The following ZNF568 variants were observed in gnomAD, a reference collection of about 807,000 sequenced individuals.
ZNF568 encodes zinc finger protein 568.
Under a neutral mutation model 18.1 loss-of-function variants are expected in ZNF568, and 11 were observed. The observed-to-expected ratio is 0.61, with a 90% confidence interval of 0.38 to 1.00. The LOEUF (loss-of-function observed/expected upper bound fraction) is 1.00. ZNF568 is among the 50% of genes least tolerant of loss of function. The pLI is 0.01. For missense variants in ZNF568, 639 were observed against 768.2 expected (o/e 0.83, Z 1.99); for synonymous variants, 213 against 246.6 (o/e 0.86, Z 1.28).
chr19:36,949,698 A>ATATC lies in ZNF568; in HGVS notation c.547_548insTCTA (p.Lys183IlefsTer2). 6.2e-7 allele frequency: 1 copy of ATATC among 1,613,900 alleles called. No individual in the cohort carries two copies. The highest frequency in any genetic ancestry group is 8.5e-7 in the Non-Finnish European group (1 of 1,179,860). ...AGCTTCTATGACTGTGACTCACTTG[A>ATATC]TAAGGGTTTGGAACATAATTTAGAC... is the stretch of plus-strand genomic sequence containing the variant. On this transcript the variant is annotated frameshift_variant, in exon 7 of 7. Coordinates refer to ENST00000333987, the MANE Select transcript of ZNF568 (RefSeq NM_198539.4). LOFTEE classifies it low-confidence loss of function (END_TRUNC).
chr19:36,995,586 A>G (rs973384008), intron 4 of ZNF568, among the ~76,000 whole-genome samples: 6 of 151,932 alleles, frequency 3.9e-5, no homozygotes, highest in Admixed American at 6.6e-5. Context: ...TTTGTTTTCT[A>G]TTTGTGTTGT....
intron 6 of ZNF568, among the ~76,000 whole-genome samples, chr19:36,947,342 A>G (rs981627151): frequency 1.4e-4 from 22 of 152,108 alleles, no homozygotes; most frequent in Admixed American, 1.2e-3. Flanking sequence ...GTGGGGCCCC[A>G]AATGCCAGCA....
chr19:36,917,919 T>A (rs1048358141), intron 2 of ZNF568, among the ~76,000 whole-genome samples: 3 of 152,154 alleles, frequency 2.0e-5, no homozygotes, highest in African/African-American at 4.8e-5. Flanking sequence ...TCTCATATAT[T>A]ATTTTCTTCT....
chr19:36,935,302 C>G (rs577905376), intron 4 of ZNF568, among the ~76,000 whole-genome samples: 2 of 152,242 alleles, frequency 1.3e-5, no homozygotes, highest in East Asian at 3.9e-4. Flanking sequence ...GGGCTCACGT[C>G]TGTAATCCCA....
Position 36,949,539 on chromosome 19 carries a change from A to C in ZNF568, c.386A>C (p.Lys129Thr), listed in dbSNP as rs776581106. 4.4e-6 allele frequency: 7 copies of C among 1,596,500 alleles called. No homozygotes were observed. Among genetic ancestry groups the C allele is most frequent in the Non-Finnish European group, 6.0e-6 (7 of 1,173,390 alleles). The change falls in exon 7 of 7, where the codon AAG (lysine) becomes ACG (threonine). Residue 129 changes from lysine to threonine, a missense_variant. Transcript: ENST00000333987. ...PEVWEVDEQI[K>T]KQQETLVRKV... is the part of the protein sequence containing the mutation. ...GTTTGGGAAGTTGATGAACAGATCA[A>C]GAAGCAACAGGAAACACTTGTGAGG...
intron 2 of ZNF568, among the ~76,000 whole-genome samples, chr19:36,986,753 T>A (rs1056062735): frequency 1.3e-5 from 2 of 152,162 alleles, no homozygotes; most frequent in Non-Finnish European, 2.9e-5. Flanking sequence ...AAGAGAATTT[T>A]GTTGACACAG....
intron 6 of ZNF568, among the ~76,000 whole-genome samples, chr19:36,941,294 A>G (rs944270369): frequency 6.6e-6 from 1 of 152,198 alleles, no homozygotes; most frequent in Non-Finnish European, 1.5e-5. Flanking sequence ...ATGGTATGAA[A>G]GAAAAAAGTC....
Position 36,924,360 on chromosome 19 carries a change from A to G in ZNF568, c.77-840A>G, listed in dbSNP as rs549000219. On this transcript the variant is annotated intron_variant, in intron 3 of 6. Coordinates refer to ENST00000333987, the MANE Select transcript of ZNF568 (RefSeq NM_198539.4). ...CAGCCTCCCAAGTAGCTGGGACTACAGGCGCACGCCACTACGCCCAGCGAA... is the reference window on the plus strand; with the variant it reads ...CAGCCTCCCAAGTAGCTGGGACTACGGGCGCACGCCACTACGCCCAGCGAA... Among the ~76,000 whole-genome samples, 250 of 151,842 alleles carry G rather than the reference A, an allele frequency of 1.6e-3. 2 individuals are homozygous for G. The highest frequency in any genetic ancestry group is 4.4e-3 in the South Asian group (21 of 4,800).
At chr19:36,957,142 G>A (rs2074113144), downstream of ZNF568, among the ~76,000 whole-genome samples, 1 of 149,826 alleles carries the variant, frequency 6.7e-6, no homozygotes, top group South Asian at 2.1e-4. Flanking sequence ...TCTTACTCAT[G>A]AGCAAATGAG....
chr19:36,940,165 C>T (rs1205418730), intron 6 of ZNF568, among the ~76,000 whole-genome samples: 6 of 152,172 alleles, frequency 3.9e-5, no homozygotes, highest in Non-Finnish European at 5.9e-5. Context: ...TATCTGTGTT[C>T]ATGCTATTAA....
chr19:36,997,881 G>A, downstream of ZNF568: 1 of 352,584 alleles, frequency 2.8e-6, no homozygotes, highest in South Asian at 3.6e-5. Context: ...TACAACTGGT[G>A]AAAAATTGAA....
chr19:36,939,528 C>CTTTCTTT (rs2073843625), intron 6 of ZNF568, among the ~76,000 whole-genome samples: 1 of 114,472 alleles, frequency 8.7e-6, no homozygotes, highest in African/African-American at 3.5e-5. Flanking sequence ...GATGTATTTT[C>CTTTCTTT]TTTCTTTTTT....
At chr19:36,997,211 A>G (rs770844311) in exon 5 of ZNF568, 10 of 1,608,622 alleles carry the variant, frequency 6.2e-6, no homozygotes, top group African/African-American at 1.3e-5. Flanking sequence ...GAGAAACCCC[A>G]TGAATGTAAG....
Position 36,949,594 on chromosome 19 carries a change from G to C in ZNF568, c.441G>C (p.Leu147=), listed in dbSNP as rs1347106640. 2 of 1,613,212 alleles carry C rather than the reference G, an allele frequency of 1.2e-6. No homozygotes were observed. Among genetic ancestry groups the C allele is most frequent in the African/African-American group, 2.7e-5 (2 of 74,880 alleles). Residue 147 remains leucine (L), a synonymous_variant, in exon 7 of 7, where the codon CTG becomes CTC. Coordinates refer to ENST00000333987, the MANE Select transcript of ZNF568 (RefSeq NM_198539.4). The stretch of plus-strand genomic sequence containing the variant: ...TCACATCCATCTCCAAGAAAATTCT[G>C]ATAAAGGAAAAAGTCATTGAATGTA... ...RKVTSISKKI[L]IKEKVIECKK...
rs759614987 is a variant in ZNF568 at position 36,950,361 on chromosome 19, C to T, written c.1208C>T (p.Ser403Leu). The T allele has an allele frequency of 6.2e-7, 1 of 1,613,794 alleles. No individual in the cohort carries two copies. The highest frequency in any genetic ancestry group is 1.1e-5 in the South Asian group (1 of 91,066). ...TGTGGAAAAGCTTTCTCTCAATGCT[C>T]AGTATTTATTATACATATGAGAAGT... The part of the protein sequence containing the change: ...NKCGKAFSQC[S>L]VFIIHMRSHT... The change falls in exon 7 of 7, where the codon TCA (serine) becomes TTA (leucine). Residue 403 changes from serine (S) to leucine (L), a missense_variant. Physicochemically the swap from Ser to Leu is moderately radical, Grantham distance 145 (BLOSUM62 -2). Coordinates refer to ENST00000333987, the MANE Select transcript of ZNF568 (RefSeq NM_198539.4).
chr19:36,939,532 CT>C (rs386388962), intron 6 of ZNF568, among the ~76,000 whole-genome samples: 74 of 93,060 alleles, frequency 8.0e-4, no homozygotes, highest in East Asian at 6.0e-3. Context: ...TATTTTCTTT[CT>C]TTTTTTTTTT....
At chr19:36,987,295 C>G (rs1416734959) in intron 2 of ZNF568, among the ~76,000 whole-genome samples, 1 of 152,114 alleles carries the variant, frequency 6.6e-6, no homozygotes, top group African/African-American at 2.4e-5. Flanking sequence ...CATTGTGTAT[C>G]TGGGTAATTG....
At position 36,916,851 on chromosome 19, in the gene ZNF568, T is replaced by G. The variant is rs1419969729; in HGVS notation, c.-256+260T>G. Among the ~76,000 whole-genome samples, 5 of 152,162 alleles carry G rather than the reference T, an allele frequency of 3.3e-5. No homozygotes were observed. The highest frequency in any genetic ancestry group is 4.8e-5 in the African/African-American group (2 of 41,444). ...GGCTTTTCTGTAGCATTTGGCACAG[T>G]TGGTAACGGCTTGAAAAACACTTAT... On this transcript the variant is annotated intron_variant, in intron 1 of 6. Transcript: ENST00000333987. The surrounding 1 kb of genome is among the most constrained non-coding windows in gnomAD (Gnocchi z 5.3).
At position 36,916,985 on chromosome 19, in the gene ZNF568, G is replaced by A. The variant is rs2073348750; in HGVS notation, c.-256+394G>A. Among the ~76,000 whole-genome samples the A allele has an allele frequency of 6.6e-6, 1 of 151,940 alleles. No homozygotes were observed. The highest frequency in any genetic ancestry group is 2.4e-5 in the African/African-American group (1 of 41,324). ...CCTTTGTAATTTTCCACTATTCCTT[G>A]GCGAACTTTTCAGGTTCATTATTAT... On this transcript the variant is annotated intron_variant, in intron 1 of 6. Transcript: ENST00000333987. The surrounding 1 kb of genome is among the most constrained non-coding windows in gnomAD (Gnocchi z 5.3).
Sources: allele counts gnomAD v4.1 joint callset (sites outside exome capture counted in the v4.1 genomes callset), GRCh38; gene constraint gnomAD v4.1.1; non-coding constraint Gnocchi (gnomAD v3.1); transcripts MANE v1.5; gene names NCBI Gene and HGNC (gene_info 2026-07-23, HGNC 2026-07-21).